PAPPA: variants seen among roughly 807,000 people sequenced by gnomAD.
The protein encoded by PAPPA is pappalysin-1.
A neutral mutation model predicts 164.0 loss-of-function variants in PAPPA; 60 were observed. The ratio of observed to expected loss-of-function variants is 0.37; its 90% CI spans 0.30 to 0.45. The LOEUF (loss-of-function observed/expected upper bound fraction) is 0.45. PAPPA is among the 20% of genes least tolerant of loss of function. PAPPA has a pLI of 1.00. For missense variants in PAPPA, 1,782 were observed against 2,087.3 expected (o/e 0.85, Z 2.85); for synonymous variants, 875 against 814.1 (o/e 1.07, Z -1.27).
At chr9:116,156,334 G>GTGTGTA (rs1554730866) in intron 1 of PAPPA, among the ~76,000 whole-genome samples, 13 of 139,590 alleles carry the variant, frequency 9.3e-5, no homozygotes, top group African/African-American at 3.4e-4. Context: ...ATATATATGT[G>GTGTGTA]TATATATATA....
chr9:116,300,067 G>A (rs920817807), intron 9 of PAPPA, among the ~76,000 whole-genome samples: 4 of 152,014 alleles, frequency 2.6e-5, no homozygotes, highest in African/African-American at 9.7e-5. Flanking sequence ...TTTATGGCTG[G>A]TCACTCTTGG....
Position 116,187,744 on chromosome 9 carries a change from G to GCCTGTCAC in PAPPA, c.1006_1007insCCTGTCAC (p.Glu336AlafsTer38). ...CGGACAGACATTGTGTGACAACACAGAGGTCATTGCCAGCTACAATCAGCT... is the reference window on the plus strand; with the variant it reads ...CGGACAGACATTGTGTGACAACACAGCCTGTCACAGGTCATTGCCAGCTACAATCAGCT... On this transcript the variant is annotated frameshift_variant, in exon 2 of 22. Transcript: ENST00000328252. LOFTEE classifies it high-confidence loss of function. The surrounding 1 kb of genome is among the most constrained non-coding windows in gnomAD (Gnocchi z 4.2). The GCCTGTCAC allele has an allele frequency of 6.2e-7, 1 of 1,614,266 alleles. No individual in the cohort carries two copies. Among genetic ancestry groups the GCCTGTCAC allele is most frequent in the Non-Finnish European group, 8.5e-7 (1 of 1,180,048 alleles).
chr9:116,163,831 G>A (rs1256883222), intron 1 of PAPPA, among the ~76,000 whole-genome samples: 1 of 152,086 alleles, frequency 6.6e-6, no homozygotes, highest in African/African-American at 2.4e-5. Flanking sequence ...CTCCATTGGT[G>A]GATACTCTTT....
intron 1 of PAPPA, among the ~76,000 whole-genome samples, chr9:116,156,963 C>T (rs1239174279): frequency 6.6e-6 from 1 of 152,234 alleles, no homozygotes; most frequent in Non-Finnish European, 1.5e-5. Context: ...GCTGCCTGAC[C>T]TCTGCTGGCT....
chr9:116,282,362 T>C (rs1416731999), intron 9 of PAPPA, among the ~76,000 whole-genome samples: 2 of 152,348 alleles, frequency 1.3e-5, no homozygotes, highest in East Asian at 3.9e-4. Context: ...ATCTCTTGAA[T>C]TCACAGATGG....
chr9:116,320,937 G>T (rs1311425972), intron 10 of PAPPA, among the ~76,000 whole-genome samples: 1 of 152,192 alleles, frequency 6.6e-6, no homozygotes, highest in Admixed American at 6.5e-5. Flanking sequence ...TAGTGGGAGA[G>T]GCCCTGAACC....
intron 10 of PAPPA, among the ~76,000 whole-genome samples, chr9:116,307,658 T>C (rs1845663950): frequency 6.6e-6 from 1 of 152,174 alleles, no homozygotes; most frequent in African/African-American, 2.4e-5. Context: ...TATAACAATT[T>C]ATACATTAAT....
At chr9:116,351,338 A>C (rs1226843033) in intron 15 of PAPPA, among the ~76,000 whole-genome samples, 1 of 152,254 alleles carries the variant, frequency 6.6e-6, no homozygotes, top group African/African-American at 2.4e-5. Context: ...GATGAAAAGA[A>C]GAAGGAAAGT....
chr9:116,160,880 A>T (rs1388747315), intron 1 of PAPPA, among the ~76,000 whole-genome samples: 1 of 152,214 alleles, frequency 6.6e-6, no homozygotes, highest in Non-Finnish European at 1.5e-5. Context: ...AGTGGGAATT[A>T]GGAGGTCAGC....
At chr9:116,304,166 T>C (rs1845615093) in intron 10 of PAPPA, among the ~76,000 whole-genome samples, 1 of 152,222 alleles carries the variant, frequency 6.6e-6, no homozygotes, top group Admixed American at 6.5e-5. Context: ...TACTGAACTC[T>C]GAAGTATCTA....
At chr9:116,257,038 A>C (rs1844936237) in intron 7 of PAPPA, among the ~76,000 whole-genome samples, 1 of 152,042 alleles carries the variant, frequency 6.6e-6, no homozygotes. Context: ...ATTAACAAAC[A>C]AAACACAAAT....
chr9:116,185,934 G>A (rs1025927294), intron 1 of PAPPA, among the ~76,000 whole-genome samples: 2 of 152,072 alleles, frequency 1.3e-5, no homozygotes, highest in Admixed American at 1.3e-4. Flanking sequence ...TTAGGGCCTA[G>A]GACAGTGAAT....
At chr9:116,166,408 C>T (rs1843719969) in intron 1 of PAPPA, among the ~76,000 whole-genome samples, 1 of 152,182 alleles carries the variant, frequency 6.6e-6, no homozygotes, top group Non-Finnish European at 1.5e-5. Context: ...TCCCTCTCTC[C>T]CCCTTATCAG....
At chr9:116,329,922 A>G (rs1474609451) in intron 10 of PAPPA, among the ~76,000 whole-genome samples, 2 of 152,230 alleles carry the variant, frequency 1.3e-5, no homozygotes, top group Non-Finnish European at 2.9e-5. Context: ...CTCCACCAAC[A>G]GGAGAACATA....
chr9:116,350,001 C>T (rs1203432685), intron 15 of PAPPA, among the ~76,000 whole-genome samples: 1 of 152,204 alleles, frequency 6.6e-6, no homozygotes. Flanking sequence ...AGAGCTCAGT[C>T]CCTCTGGGAA....
At chr9:116,232,658 T>A (rs1348895299) in intron 6 of PAPPA, among the ~76,000 whole-genome samples, 1 of 152,258 alleles carries the variant, frequency 6.6e-6, no homozygotes, top group Non-Finnish European at 1.5e-5. Context: ...GCACAGTGCC[T>A]GCACATTGAG....
chr9:116,352,481 T>A (rs1269626936), intron 15 of PAPPA, among the ~76,000 whole-genome samples: 1 of 152,162 alleles, frequency 6.6e-6, no homozygotes, highest in Non-Finnish European at 1.5e-5. Context: ...TGGATTTTAA[T>A]TCACTGTAGA....
chr9:116,255,057 T>C (rs1204083967), intron 7 of PAPPA, among the ~76,000 whole-genome samples: 9 of 151,868 alleles, frequency 5.9e-5, no homozygotes, highest in African/African-American at 2.2e-4. Context: ...TCTACCTTTC[T>C]ACATTTAAAA....
chr9:116,176,244 A>T (rs1208686745), intron 1 of PAPPA, among the ~76,000 whole-genome samples: 3 of 152,228 alleles, frequency 2.0e-5, no homozygotes, highest in Non-Finnish European at 4.4e-5. Context: ...AGATAGATTG[A>T]GACCAATTTC....
Sources: allele counts gnomAD v4.1 joint callset (sites outside exome capture counted in the v4.1 genomes callset), GRCh38; gene constraint gnomAD v4.1.1; non-coding constraint Gnocchi (gnomAD v3.1); transcripts MANE v1.5; gene names NCBI Gene and HGNC (gene_info 2026-07-23, HGNC 2026-07-21).